The following COLEC10 variants were observed in gnomAD, a reference collection of about 807,000 sequenced individuals.
COLEC10 encodes collectin-10.
COLEC10 carries 22 observed loss-of-function variants against 28.4 expected under a neutral mutation model. That is an observed-to-expected ratio of 0.78 (90% CI 0.55 to 1.11). The LOEUF (loss-of-function observed/expected upper bound fraction) is 1.11, where lower values mean the gene tolerates loss of function less well. COLEC10 is among the 50% of genes least tolerant of loss of function. The probability of loss-of-function intolerance (pLI) is 0.00; values close to 1 mark genes in which losing one functional copy is unlikely to be tolerated. For missense variants in COLEC10, 361 were observed against 344.1 expected (o/e 1.05, Z -0.39); for synonymous variants, 125 against 116.1 (o/e 1.08, Z -0.49).
At chr8:118,954,406 A>T in the COLEC10 span, among the ~76,000 whole-genome samples, 1 of 152,174 alleles carries the variant, frequency 6.6e-6, no homozygotes, top group South Asian at 2.1e-4. Context: ...GTAATCCACT[A>T]CTGTGGGCTG....
In COLEC10 at chr8:119,080,894, C is replaced by T. The variant is rs952968059; in HGVS notation, c.149-8786C>T. Among the ~76,000 whole-genome samples the T allele has an allele frequency of 3.9e-5, 6 of 152,188 alleles. No individual in the cohort carries two copies. In the East Asian group the frequency reaches 5.8e-4, roughly 15 times the overall value. On this transcript the variant is annotated intron_variant, in intron 1 of 5. Transcript: ENST00000332843. ...GACTTTCTATATGTAACATGGAGCT[C>T]ACTCTATATCCAAGAGCTTTTGCTA...
intron 2 of COLEC10, among the ~76,000 whole-genome samples, chr8:119,049,414 T>C (rs1483780262): frequency 9.2e-6 from 1 of 109,266 alleles, no homozygotes; most frequent in Non-Finnish European, 2.1e-5. Flanking sequence ...TTTTTTTTTT[T>C]TTTTTTTTTT....
chr8:119,008,274 C>G (rs577823300), intron 1 of COLEC10, among the ~76,000 whole-genome samples: 1 of 150,862 alleles, frequency 6.6e-6, no homozygotes, highest in East Asian at 1.9e-4. Context: ...GGGAAAGGAG[C>G]TAATCTGGGA....
intron 2 of COLEC10, among the ~76,000 whole-genome samples, chr8:119,023,682 T>C (rs1814136336): frequency 6.6e-6 from 1 of 152,210 alleles, no homozygotes; most frequent in African/African-American, 2.4e-5. Flanking sequence ...AATGGCATTG[T>C]TTCTGTTATA....
At chr8:118,999,457 C>T (rs928495337) in intron 1 of COLEC10, among the ~76,000 whole-genome samples, 5 of 151,476 alleles carry the variant, frequency 3.3e-5, no homozygotes, top group East Asian at 1.9e-4. Context: ...CAGGCATGGT[C>T]GTGGGTGCCT....
intron 1 of COLEC10, among the ~76,000 whole-genome samples, chr8:119,083,247 G>T (rs1815402598): frequency 6.6e-6 from 1 of 152,148 alleles, no homozygotes; most frequent in Non-Finnish European, 1.5e-5. Context: ...TGTAATGTGG[G>T]TTCTCTCTTA....
the COLEC10 span, among the ~76,000 whole-genome samples, chr8:118,969,249 T>C: frequency 6.6e-6 from 1 of 152,166 alleles, no homozygotes; most frequent in South Asian, 2.1e-4. Flanking sequence ...CTGACAGTAC[T>C]TTGTAGCCCC....
intron 4 of COLEC10, among the ~76,000 whole-genome samples, chr8:119,102,872 T>G (rs1815866544): frequency 6.6e-6 from 1 of 152,170 alleles, no homozygotes; most frequent in Admixed American, 6.5e-5. Flanking sequence ...TTCCCAGTGC[T>G]TTACACAGGG....
chr8:119,080,579 G>C (rs760384693), intron 1 of COLEC10, among the ~76,000 whole-genome samples: 4 of 152,010 alleles, frequency 2.6e-5, no homozygotes, highest in Non-Finnish European at 5.9e-5. Context: ...TTGTGGGTAG[G>C]ATTTATAAAG....
chr8:118,989,554 C>G, the COLEC10 span, among the ~76,000 whole-genome samples: 1 of 149,316 alleles, frequency 6.7e-6, no homozygotes, highest in Non-Finnish European at 1.5e-5. Context: ...CACACACACA[C>G]ACACACACAC....
At chr8:119,073,461 C>A (rs71532417) in intron 1 of COLEC10, among the ~76,000 whole-genome samples, 3,375 of 152,006 alleles carry the variant, frequency 0.022, 55 homozygotes, top group South Asian at 0.072. Flanking sequence ...GGTGTTTTCC[C>A]AAAACTTTTT....
chr8:119,070,469 CTCTCTCT>C (rs1563734086), intron 1 of COLEC10, among the ~76,000 whole-genome samples: 5 of 131,518 alleles, frequency 3.8e-5, no homozygotes, highest in African/African-American at 5.9e-5. Context: ...CTCTCTCTCT[CTCTCTCT>C]CCTTCCCCCT....
chr8:119,103,494 CAA>C (rs1280481295), intron 4 of COLEC10, among the ~76,000 whole-genome samples: 1 of 146,320 alleles, frequency 6.8e-6, no homozygotes, highest in Non-Finnish European at 1.5e-5. Context: ...CTGTGTTCAA[CAA>C]AAAAAAAATG....
At chr8:119,058,839 C>T (rs942360381) in intron 2 of COLEC10, among the ~76,000 whole-genome samples, 8 of 151,902 alleles carry the variant, frequency 5.3e-5, no homozygotes, top group Non-Finnish European at 1.2e-4. Flanking sequence ...AGAAGCTGAC[C>T]AACTGTTTTC....
the COLEC10 span, among the ~76,000 whole-genome samples, chr8:118,970,342 C>T: frequency 3.3e-5 from 5 of 152,060 alleles, 1 homozygote; most frequent in South Asian, 2.1e-4. Flanking sequence ...AATAGGCTCT[C>T]GATGACTGTA....
chr8:119,087,990 A>G (rs1815514753), intron 1 of COLEC10, among the ~76,000 whole-genome samples: 1 of 152,164 alleles, frequency 6.6e-6, no homozygotes, highest in East Asian at 1.9e-4. Flanking sequence ...TAATTGCTCA[A>G]TAGACATTCA....
chr8:119,106,064 A>C lies in COLEC10; in HGVS notation c.707A>C (p.Glu236Ala). 6.2e-7 allele frequency: 1 copy of C among 1,613,892 alleles called. No homozygotes were observed. The highest frequency in any genetic ancestry group is 1.1e-5 in the South Asian group (1 of 91,076). Residue 236 changes from glutamate (E) to alanine (A), a missense_variant, in exon 6 of 6, where the codon GAG becomes GCG. This residue lies in a region of COLEC10 where 335 missense variants were observed against 308.5 expected (regional missense o/e 1.09). Transcript: ENST00000332843. ...TPLQNYSNWN[E>A]GEPSDPYGHE... is the part of the protein sequence containing the mutation. ...CTGCAGAACTATAGCAACTGGAATGAGGGGGAACCCAGCGACCCCTATGGT... is the reference window on the plus strand; with the variant it reads ...CTGCAGAACTATAGCAACTGGAATGCGGGGGAACCCAGCGACCCCTATGGT...
intron 1 of COLEC10, among the ~76,000 whole-genome samples, chr8:119,004,292 A>G (rs1813749529): frequency 6.6e-6 from 1 of 151,928 alleles, no homozygotes; most frequent in Admixed American, 6.6e-5. Context: ...AAATAACCTA[A>G]TAACAATGAT....
the COLEC10 span, among the ~76,000 whole-genome samples, chr8:118,960,482 G>T: frequency 2.0e-5 from 3 of 152,096 alleles, no homozygotes; most frequent in Non-Finnish European, 4.4e-5. Context: ...ACCTAGCTGG[G>T]TCATACCCAT....
Sources: allele counts gnomAD v4.1 joint callset (sites outside exome capture counted in the v4.1 genomes callset), GRCh38; gene constraint gnomAD v4.1.1; regional missense constraint gnomAD v4.1.1; transcripts MANE v1.5; gene names NCBI Gene and HGNC (gene_info 2026-07-23, HGNC 2026-07-21).